Variants in NUCB1 observed in about 807,000 individuals in gnomAD.
NUCB1 encodes nucleobindin-1.
A neutral mutation model predicts 61.2 loss-of-function variants in NUCB1; 47 were observed. The observed-to-expected ratio is 0.77, with a 90% CI of 0.61 to 0.98. NUCB1 has a LOEUF of 0.98. NUCB1 is among the 50% of genes least tolerant of loss of function. The pLI is 0.00. For synonymous variants in NUCB1, 234 were observed against 243.1 expected (o/e 0.96, Z 0.35); for missense variants, 583 against 605.3 (o/e 0.96, Z 0.39).
At chr19:48,901,879 C>T (rs1254337012) in intron 2 of NUCB1, among the ~76,000 whole-genome samples, 1 of 152,196 alleles carries the variant, frequency 6.6e-6, no homozygotes, top group Non-Finnish European at 1.5e-5. Context: ...CTGTGAAATC[C>T]TTGCAGACCC....
At chr19:48,900,739 G>T in intron 1 of NUCB1, 47 bp from the exon 2 acceptor site, 1 of 1,587,494 alleles carries the variant, frequency 6.3e-7, no homozygotes, top group South Asian at 1.1e-5. Context: ...GGGAGGAAGA[G>T]GCTTGGGACA....
At chr19:48,915,941 G>A (rs534498849) in intron 7 of NUCB1, among the ~76,000 whole-genome samples, 2 of 151,884 alleles carry the variant, frequency 1.3e-5, no homozygotes, top group African/African-American at 2.4e-5. Flanking sequence ...GTGCCACTGC[G>A]CCCAGCTTTA....
In NUCB1 at chr19:48,919,871, C is replaced by T. The variant is rs139900718; in HGVS notation, c.1002+585C>T. Among the ~76,000 whole-genome samples, 586 of 149,190 alleles carry T rather than the reference C, an allele frequency of 3.9e-3. 4 individuals are homozygous for T. Among genetic ancestry groups the T allele is most frequent in the African/African-American group, 0.014 (553 of 40,416 alleles). On this transcript the variant is annotated intron_variant, in intron 10 of 12. Coordinates refer to ENST00000405315, the MANE Select transcript of NUCB1 (RefSeq NM_006184.6). ...GCAACCTCCGCCTCTTGGATTCAAG[C>T]GATCCTCCCATCTCAGCCTCATGAG...
chr19:48,922,726 C>G lies in NUCB1; in HGVS notation c.*302C>G. 1 of 351,216 alleles carries G rather than the reference C, an allele frequency of 2.8e-6. No homozygotes were observed. The allele number at this position is 351,216 out of a possible 1,614,324, so 21.8% of individuals were successfully genotyped here. On this transcript the variant is annotated 3_prime_UTR_variant, in exon 13 of 13. Transcript: ENST00000405315. ...CCGCCCCCTCCCCTTCTCCGTCTGT[C>G]CCAAGAGGGTCTGCTCTGAGCCTGC...
chr19:48,921,510 A>G (rs1600070347), intron 11 of NUCB1, among the ~76,000 whole-genome samples, 186 bp downstream of exon 11: 1 of 152,120 alleles, frequency 6.6e-6, no homozygotes, highest in Non-Finnish European at 1.5e-5. Context: ...TGTGGCTGCC[A>G]TGTGAGATAA....
At chr19:48,903,690 GTGGGTGGATGGATGGA>G (rs2037378745) in intron 2 of NUCB1, among the ~76,000 whole-genome samples, 1 of 87,868 alleles carries the variant, frequency 1.1e-5, no homozygotes, top group Admixed American at 1.2e-4. Context: ...GGATGGATGG[GTGGGTGGATGGATGGA>G]TGGGTGGGTG....
At chr19:48,915,191 G>C (rs1424141699) in intron 7 of NUCB1, among the ~76,000 whole-genome samples, 1 of 151,282 alleles carries the variant, frequency 6.6e-6, no homozygotes, top group Non-Finnish European at 1.5e-5. Context: ...ATCAACGAAG[G>C]TTCTAGGCCG....
chr19:48,911,211 C>T lies in NUCB1; in HGVS notation c.439C>T (p.His147Tyr). 1 of 1,613,788 alleles carries T rather than the reference C, an allele frequency of 6.2e-7. No homozygotes were observed. The highest frequency in any genetic ancestry group is 8.5e-7 in the Non-Finnish European group (1 of 1,179,836). Residue 147 changes from histidine (H) to tyrosine (Y), a missense_variant, in exon 5 of 13, where the codon CAT (histidine) becomes TAT (tyrosine). By Grantham distance (83) the His-to-Tyr change is moderately conservative (BLOSUM62 2). Coordinates refer to ENST00000405315, the MANE Select transcript of NUCB1 (RefSeq NM_006184.6). ...QFEHLDPQNQHTFEARDLELL... is the reference protein window; with the variant it reads ...QFEHLDPQNQYTFEARDLELL... Reference sequence around the variant, plus strand: ...TGAACACCTGGACCCTCAGAACCAGCATACATTCGAGGCCCGCGACCTGGA... The same window carrying T: ...TGAACACCTGGACCCTCAGAACCAGTATACATTCGAGGCCCGCGACCTGGA...
At chr19:48,910,957 G>A in intron 4 of NUCB1, 192 bp from the exon 5 acceptor site, 1 of 525,200 alleles carries the variant, frequency 1.9e-6, no homozygotes, top group Non-Finnish European at 3.4e-6. Flanking sequence ...TTTTTATTAT[G>A]GTTATTATTG....
intron 7 of NUCB1, among the ~76,000 whole-genome samples, chr19:48,914,847 G>A (rs1166444452): frequency 2.0e-5 from 3 of 151,542 alleles, no homozygotes; most frequent in Non-Finnish European, 4.4e-5. Context: ...TTGGGAGGTT[G>A]AGGTGGGAGG....
chr19:48,918,657 T>G (rs1568588304), intron 7 of NUCB1, 69 bp from the exon 8 acceptor site: 3 of 1,349,674 alleles, frequency 2.2e-6, no homozygotes, highest in African/African-American at 1.4e-5. Flanking sequence ...GCCCAAAATT[T>G]CTTCACCAGG....
intron 10 of NUCB1, among the ~76,000 whole-genome samples, chr19:48,920,670 T>C (rs1416189662): frequency 6.6e-6 from 1 of 152,104 alleles, no homozygotes; most frequent in African/African-American, 2.4e-5. Flanking sequence ...ATTATATGCA[T>C]GTACCACCAT....
intron 4 of NUCB1, among the ~76,000 whole-genome samples, chr19:48,906,452 T>A (rs2122171819): frequency 6.7e-6 from 1 of 149,854 alleles, no homozygotes. Flanking sequence ...AGAGGCCGGG[T>A]GCAGTGGCTC....
chr19:48,907,915 G>A (rs1028046215), intron 4 of NUCB1, among the ~76,000 whole-genome samples: 5 of 152,086 alleles, frequency 3.3e-5, no homozygotes, highest in Admixed American at 1.3e-4. Flanking sequence ...TTGTCCGTTC[G>A]CCCCGCTCTC....
chr19:48,913,873 C>G (rs2037508314), intron 7 of NUCB1, among the ~76,000 whole-genome samples: 1 of 152,214 alleles, frequency 6.6e-6, no homozygotes, highest in Admixed American at 6.5e-5. Flanking sequence ...AGGAGAAGCC[C>G]TGGTCCACTC....
Position 48,905,740 on chromosome 19 carries a change from CCT to C in NUCB1, c.244-9_244-8del, listed in dbSNP as rs2037403062. The C allele has an allele frequency of 1.9e-6, 3 of 1,613,842 alleles. No individual in the cohort carries two copies. The highest frequency in any genetic ancestry group is 2.5e-6 in the Non-Finnish European group (3 of 1,180,022). On this transcript the variant is annotated splice_polypyrimidine_tract_variant and intron_variant, in intron 3 of 12. Coordinates refer to ENST00000405315, the MANE Select transcript of NUCB1 (RefSeq NM_006184.6). Reference sequence around the variant, plus strand: ...CAGGCCCCCAGGCTGACCAGGGTCTCCTCTCCTGTCAGAGCGGGAAGCTGAGC... The same window carrying C: ...CAGGCCCCCAGGCTGACCAGGGTCTCCTCCTGTCAGAGCGGGAAGCTGAGC...
intron 4 of NUCB1, among the ~76,000 whole-genome samples, chr19:48,907,054 A>C (rs1270611775): frequency 6.6e-6 from 1 of 151,034 alleles, no homozygotes; most frequent in Non-Finnish European, 1.5e-5. Flanking sequence ...GGCTCACTGC[A>C]AGCTCCGCCT....
intron 2 of NUCB1, among the ~76,000 whole-genome samples, chr19:48,901,696 G>A (rs1034742086): frequency 6.6e-6 from 1 of 152,226 alleles, no homozygotes; most frequent in African/African-American, 2.4e-5. Context: ...GGAACCAAGA[G>A]AGGTGGAGGT....
At chr19:48,911,508 C>T (rs938023436) in intron 5 of NUCB1, among the ~76,000 whole-genome samples, 5 of 151,110 alleles carry the variant, frequency 3.3e-5, no homozygotes, top group South Asian at 2.1e-4. Flanking sequence ...CGGGTTCAAG[C>T]GATTCTCCTG....
Sources: allele counts gnomAD v4.1 joint callset (sites outside exome capture counted in the v4.1 genomes callset), GRCh38; gene constraint gnomAD v4.1.1; transcripts MANE v1.5; gene names NCBI Gene and HGNC (gene_info 2026-07-23, HGNC 2026-07-21).